COL13A1: variants seen among roughly 807,000 people sequenced by gnomAD.
COL13A1 encodes the protein collagen alpha-1(XIII) chain.
In COL13A1, 89 loss-of-function variants were observed where a neutral mutation model predicts 130.9. The ratio of observed to expected loss-of-function variants is 0.68; its 90% CI spans 0.57 to 0.81. COL13A1 has a LOEUF of 0.81. Ranked by LOEUF, COL13A1 falls within the 30% of genes least tolerant of loss-of-function variation. The probability of loss-of-function intolerance (pLI) is 0.00; values close to 1 mark genes in which losing one functional copy is unlikely to be tolerated. For synonymous variants in COL13A1, 402 were observed against 341.6 expected, an observed-to-expected ratio of 1.18 and a Z score of -1.95; for missense variants, 879 against 934.6, an observed-to-expected ratio of 0.94 and a Z score of 0.78.
chr10:69,944,097 T>G (rs1293980071), intron 35 of COL13A1, 28 bp from the exon 36 acceptor site: 2 of 1,607,194 alleles, frequency 1.2e-6, no homozygotes, highest in East Asian at 2.2e-5. Context: ...GTGGGGACCC[T>G]CACCTCTGCT....
intron 9 of COL13A1, 128 bp downstream of exon 9, chr10:69,888,458 A>C: frequency 7.5e-7 from 1 of 1,332,868 alleles, no homozygotes; most frequent in African/African-American, 1.6e-5. Context: ...GAAGGTTGTC[A>C]CTAGTGGGAA....
chr10:69,956,606 C>T (rs141848784), intron 39 of COL13A1: 101 of 202,108 alleles, frequency 5.0e-4, no homozygotes, highest in African/African-American at 1.8e-3. Context: ...TCACATCAAG[C>T]AACTGTCCTT....
chr10:69,951,125 A>G (rs1453638890), intron 38 of COL13A1, among the ~76,000 whole-genome samples: 1 of 152,152 alleles, frequency 6.6e-6, no homozygotes, highest in African/African-American at 2.4e-5. Flanking sequence ...CTGGGATTAC[A>G]GACATGAGCC....
At chr10:69,803,239 G>T (rs1045146170) in intron 1 of COL13A1, among the ~76,000 whole-genome samples, 3 of 152,248 alleles carry the variant, frequency 2.0e-5, no homozygotes, top group East Asian at 1.9e-4. Flanking sequence ...GGCCCAGGCC[G>T]CTAGGGTCCA....
chr10:69,812,469 G>A (rs543111962), intron 1 of COL13A1, among the ~76,000 whole-genome samples: 11 of 152,340 alleles, frequency 7.2e-5, no homozygotes, highest in African/African-American at 2.2e-4. Context: ...AGTGCTTTGA[G>A]TAGTGACTGG....
chr10:69,866,708 T>C (rs543982394), intron 2 of COL13A1, among the ~76,000 whole-genome samples: 109 of 152,238 alleles, frequency 7.2e-4, no homozygotes, highest in African/African-American at 2.6e-3. Flanking sequence ...CTTAACGTGA[T>C]GGCTTGACAG....
At chr10:69,930,209 ATGG>A in intron 29 of COL13A1, 122 bp downstream of exon 29, 1 of 685,546 alleles carries the variant, frequency 1.5e-6, no homozygotes, top group Non-Finnish European at 2.2e-6. Context: ...GGAAGGGGAG[ATGG>A]GGGGGGGCAG....
At chr10:69,951,242 C>T (rs560599676) in intron 38 of COL13A1, among the ~76,000 whole-genome samples, 6 of 152,330 alleles carry the variant, frequency 3.9e-5, no homozygotes, top group African/African-American at 1.2e-4. Flanking sequence ...CTGACCCCAA[C>T]CTTTGGCTCC....
intron 1 of COL13A1, among the ~76,000 whole-genome samples, chr10:69,816,051 G>A (rs1211831623): frequency 6.6e-6 from 1 of 151,604 alleles, no homozygotes; most frequent in African/African-American, 2.4e-5. Flanking sequence ...AAGGCCCTGA[G>A]GTAGAGAAAG....
At chr10:69,902,027 G>T (rs971078036) in intron 14 of COL13A1, among the ~76,000 whole-genome samples, 1 of 152,192 alleles carries the variant, frequency 6.6e-6, no homozygotes, top group African/African-American at 2.4e-5. Flanking sequence ...GAAGCAGGCT[G>T]TGTGTGAGAA....
intron 39 of COL13A1, chr10:69,955,390 G>A (rs896672967): frequency 2.0e-5 from 3 of 152,512 alleles, no homozygotes; most frequent in African/African-American, 7.2e-5. Flanking sequence ...GGCCCGCAGG[G>A]GCTCCCTTGA....
intron 17 of COL13A1, among the ~76,000 whole-genome samples, chr10:69,912,846 C>T (rs1283576482): frequency 6.6e-6 from 1 of 152,188 alleles, no homozygotes; most frequent in African/African-American, 2.4e-5. Flanking sequence ...AATTAAGAGG[C>T]CACTCCCACA....
chr10:69,924,434 C>T (rs751196875), intron 24 of COL13A1, among the ~76,000 whole-genome samples: 5 of 152,188 alleles, frequency 3.3e-5, no homozygotes, highest in African/African-American at 4.8e-5. Context: ...TCCTTCCACC[C>T]GCCCACTCTG....
At chr10:69,937,583 A>G in intron 33 of COL13A1, 52 bp from the exon 34 acceptor site, 1 of 871,408 alleles carries the variant, frequency 1.1e-6, no homozygotes. Context: ...GCAAGAATGA[A>G]TTGTCTGGGA....
chr10:69,909,557 T>C (rs538686891), intron 17 of COL13A1, among the ~76,000 whole-genome samples: 3 of 152,320 alleles, frequency 2.0e-5, no homozygotes, highest in African/African-American at 7.2e-5. Context: ...GGGACCCTTA[T>C]CTTGCCACTA....
chr10:69,806,324 G>A (rs1317748677), intron 1 of COL13A1, among the ~76,000 whole-genome samples: 1 of 152,240 alleles, frequency 6.6e-6, no homozygotes, highest in Non-Finnish European at 1.5e-5. Context: ...TGAGGGGGCA[G>A]AGACTGCGTG....
intron 2 of COL13A1, among the ~76,000 whole-genome samples, chr10:69,822,863 T>C (rs2132636939): frequency 6.6e-6 from 1 of 152,366 alleles, no homozygotes; most frequent in East Asian, 1.9e-4. Flanking sequence ...AATGACCCTA[T>C]AATTGTAAGA....
At chr10:69,839,914 G>T (rs56911436) in intron 2 of COL13A1, among the ~76,000 whole-genome samples, 22,541 of 152,210 alleles carry the variant, frequency 0.15, 1,727 homozygotes, top group Non-Finnish European at 0.16. Flanking sequence ...GGTTTTAGGA[G>T]GGGGAGCCAC....
At chr10:69,937,573 G>C in intron 33 of COL13A1, 62 bp from the exon 34 acceptor site, 1 of 821,698 alleles carries the variant, frequency 1.2e-6, no homozygotes, top group Non-Finnish European at 2.1e-6. Flanking sequence ...ACCCCAGAAT[G>C]CAAGAATGAA....
Sources: gnomAD v4.1 joint callset for allele counts (sites outside exome capture counted in the v4.1 genomes callset) on GRCh38, gnomAD v4.1.1 for gene constraint, MANE v1.5 for transcripts, NCBI Gene and HGNC (gene_info 2026-07-23, HGNC 2026-07-21) for gene names.